Variants in PFKFB3 observed in about 807,000 individuals in gnomAD.
PFKFB3 encodes the protein 6-phosphofructo-2-kinase/fructose-2,6-bisphosphatase 3.
In PFKFB3, 33 loss-of-function variants were observed where a neutral mutation model predicts 68.0. That is an observed-to-expected ratio of 0.49 (90% CI 0.37 to 0.65). The LOEUF (loss-of-function observed/expected upper bound fraction) is 0.65, where lower values mean the gene tolerates loss of function less well. Ranked by LOEUF, PFKFB3 falls within the 30% of genes least tolerant of loss-of-function variation. PFKFB3 has a pLI of 0.00. For missense variants in PFKFB3, 586 were observed against 712.2 expected (o/e 0.82, Z 2.02); for synonymous variants, 315 against 288.2 (o/e 1.09, Z -0.94).
intron 1 of PFKFB3, among the ~76,000 whole-genome samples, chr10:6,184,761 C>T (rs547660110): frequency 3.8e-4 from 54 of 142,734 alleles, no homozygotes; most frequent in African/African-American, 5.9e-4. Context: ...TGTGAGTCAC[C>T]GCGCCTGGCC....
intron 1 of PFKFB3, among the ~76,000 whole-genome samples, chr10:6,209,087 C>T (rs529581670): frequency 7.9e-5 from 12 of 152,196 alleles, no homozygotes; most frequent in Non-Finnish European, 1.6e-4. Flanking sequence ...TGCATGTGCC[C>T]AGTGAGCGAG....
At chr10:6,208,059 AAAGAC>A (rs1341133987) in intron 1 of PFKFB3, among the ~76,000 whole-genome samples, 3 of 152,060 alleles carry the variant, frequency 2.0e-5, no homozygotes, top group Non-Finnish European at 4.4e-5. Flanking sequence ...GCAACAGGTA[AAAGAC>A]AGCCTTTTAA....
intron 1 of PFKFB3, among the ~76,000 whole-genome samples, chr10:6,192,348 G>A (rs574064849): frequency 1.4e-4 from 19 of 134,916 alleles, no homozygotes; most frequent in Non-Finnish European, 2.4e-4. Context: ...AAACCTGCCC[G>A]TTTTTTTTTT....
chr10:6,276,007 T>C, the PFKFB3 span, among the ~76,000 whole-genome samples: 1 of 152,100 alleles, frequency 6.6e-6, no homozygotes, highest in African/African-American at 2.4e-5. Flanking sequence ...AATCAAGATG[T>C]CTCCCAATTC....
At position 6,221,494 on chromosome 10, in the gene PFKFB3, C is replaced by T. The variant is rs34184265; in HGVS notation, c.945C>T (p.Tyr315=). 1.9e-3 allele frequency: 3,105 copies of T among 1,613,466 alleles called. 44 individuals carry two copies. The Admixed American group carries it at 0.029, about 15-fold the overall frequency. The change falls in exon 9 of 15, where the codon TAC becomes TAT. Residue 315 remains tyrosine, a synonymous_variant. Coordinates refer to ENST00000379775, the MANE Select transcript of PFKFB3 (RefSeq NM_004566.4). Reference sequence around the variant, plus strand: ...CGGCCGAGGCGCTGCGGCTGCCCTACGAGCAGTGGAAGGCGCTCAATGAGA... The same window carrying T: ...CGGCCGAGGCGCTGCGGCTGCCCTATGAGCAGTGGAAGGCGCTCAATGAGA... ...IQTAEALRLP[Y]EQWKALNEID...
intron 1 of PFKFB3, among the ~76,000 whole-genome samples, chr10:6,168,944 A>G (rs1440441555): frequency 6.6e-6 from 1 of 152,040 alleles, no homozygotes; most frequent in Non-Finnish European, 1.5e-5. Context: ...AAGTTATCTA[A>G]AAGTCCCCAC....
the PFKFB3 span, among the ~76,000 whole-genome samples, chr10:6,306,760 C>G: frequency 1.3e-5 from 2 of 152,170 alleles, no homozygotes; most frequent in African/African-American, 4.8e-5. Context: ...TCTCAGGGAC[C>G]TGCCAAAGAT....
At chr10:6,250,851 GGCAAATGGA>G (rs1846365192) in intron 14 of PFKFB3, among the ~76,000 whole-genome samples, 1 of 152,172 alleles carries the variant, frequency 6.6e-6, no homozygotes, top group South Asian at 2.1e-4. Flanking sequence ...CGGCCCAAAT[GGCAAATGGA>G]CTAAGGGACT....
the PFKFB3 span, among the ~76,000 whole-genome samples, chr10:6,296,586 T>C: frequency 6.6e-6 from 1 of 152,234 alleles, no homozygotes; most frequent in Non-Finnish European, 1.5e-5. Flanking sequence ...GGATTATTCA[T>C]GAGTTTTCTA....
At position 6,228,171 on chromosome 10, in the gene PFKFB3, T is replaced by TTC. The variant is rs577139681; in HGVS notation, c.1515+1814_1515+1815dup. On this transcript the variant is annotated intron_variant, in intron 14 of 14. Coordinates refer to ENST00000379775, the MANE Select transcript of PFKFB3 (RefSeq NM_004566.4). This position sits in a 1 kb window ranked among gnomAD's most constrained non-coding sequence, Gnocchi z 4.5. ...GATTGCGCCCTGCCTCCTGACTGACTTCTCTCTCTGCTTCTCCTCCGCAGC... is the reference window on the plus strand; with the variant it reads ...GATTGCGCCCTGCCTCCTGACTGACTTCTCTCTCTCTGCTTCTCCTCCGCAGC... 1 of 1,612,636 alleles carries TTC rather than the reference T, an allele frequency of 6.2e-7. No individual in the cohort carries two copies. The highest frequency in any genetic ancestry group is 8.5e-7 in the Non-Finnish European group (1 of 1,179,838).
chr10:6,201,457 G>T (rs1398646696), upstream of PFKFB3, among the ~76,000 whole-genome samples: 5 of 149,058 alleles, frequency 3.4e-5, no homozygotes, highest in Non-Finnish European at 7.5e-5. This position sits in a 1 kb window ranked among gnomAD's most constrained non-coding sequence, Gnocchi z 4.1. Context: ...GCGGGAGGGG[G>T]AGTGGGGGTC....
the PFKFB3 span, among the ~76,000 whole-genome samples, chr10:6,292,510 C>T: frequency 4.6e-5 from 7 of 151,196 alleles, no homozygotes; most frequent in Non-Finnish European, 1.0e-4. Flanking sequence ...AGGATGGTCT[C>T]GATCTCCTGA....
At chr10:6,302,498 C>T in the PFKFB3 span, among the ~76,000 whole-genome samples, 2 of 148,918 alleles carry the variant, frequency 1.3e-5, no homozygotes, top group East Asian at 4.0e-4. Flanking sequence ...TCTCCTGCCT[C>T]AGCCTCCCAA....
At chr10:6,291,536 A>C in the PFKFB3 span, among the ~76,000 whole-genome samples, 1 of 151,506 alleles carries the variant, frequency 6.6e-6, no homozygotes, top group African/African-American at 2.4e-5. Context: ...TGGGCAGTGG[A>C]ATAAGTGAGA....
the PFKFB3 span, among the ~76,000 whole-genome samples, chr10:6,304,863 G>A: frequency 1.0e-5 from 1 of 97,842 alleles, no homozygotes; most frequent in Non-Finnish European, 2.1e-5. Context: ...TTTTTTTTTA[G>A]TAGAGATGAC....
At chr10:6,260,665 A>T in the PFKFB3 span, among the ~76,000 whole-genome samples, 1 of 152,036 alleles carries the variant, frequency 6.6e-6, no homozygotes, top group Non-Finnish European at 1.5e-5. Context: ...TCTTTCAGTG[A>T]CTTTATTTTC....
intron 10 of PFKFB3, among the ~76,000 whole-genome samples, chr10:6,222,149 G>A (rs555478606): frequency 1.3e-5 from 2 of 152,188 alleles, no homozygotes; most frequent in African/African-American, 2.4e-5. Context: ...CCTGGGCCTG[G>A]TGTGTCCTCC....
chr10:6,201,121 C>T (rs1843333725), upstream of PFKFB3, among the ~76,000 whole-genome samples: 1 of 152,038 alleles, frequency 6.6e-6, no homozygotes, highest in Non-Finnish European at 1.5e-5. The surrounding 1 kb of genome is among the most constrained non-coding windows in gnomAD (Gnocchi z 4.1). Context: ...TGCAGCCGCT[C>T]TCCCCGCGCG....
At position 6,233,204 on chromosome 10, in the gene PFKFB3, C is replaced by G. The variant is rs1845851938; in HGVS notation, c.*262C>G. The G allele has an allele frequency of 4.2e-6, 2 of 478,136 alleles. No homozygotes were observed. Among genetic ancestry groups the G allele is most frequent in the Non-Finnish European group, 7.6e-6 (2 of 264,356 alleles). The allele number at this position is 478,136 out of a possible 1,614,324, so 29.6% of individuals were successfully genotyped here. ...CACTCTCTGGGTTTCCTAGGAATGT[C>G]CAGCCTCGGAGACCTTCACAAAGCC... is the stretch of plus-strand genomic sequence containing the variant. On this transcript the variant is annotated 3_prime_UTR_variant, in exon 15 of 15. Coordinates refer to ENST00000379775, the MANE Select transcript of PFKFB3 (RefSeq NM_004566.4).
Sources: gnomAD v4.1 joint callset for allele counts (sites outside exome capture counted in the v4.1 genomes callset) on GRCh38, gnomAD v4.1.1 for gene constraint, Gnocchi (gnomAD v3.1) non-coding constraint, MANE v1.5 for transcripts, NCBI Gene and HGNC (gene_info 2026-07-23, HGNC 2026-07-21) for gene names.